SLX4IP: variants seen among roughly 807,000 people sequenced by gnomAD.
The protein encoded by SLX4IP is SLX4 interacting protein, also known as protein SLX4IP.
SLX4IP carries 34 observed loss-of-function variants against 32.9 expected under a neutral mutation model. That is an observed-to-expected ratio of 1.03 (90% CI 0.79 to 1.38). The LOEUF is 1.38. Ranked by LOEUF, SLX4IP falls within the 40% of genes most tolerant of loss-of-function variation. The pLI, the probability that SLX4IP is intolerant of heterozygous loss-of-function variation, is 0.00. For synonymous variants in SLX4IP, 172 were observed against 171.7 expected (o/e 1.00, Z -0.01); for missense variants, 444 against 479.0 (o/e 0.93, Z 0.68).
intron 4 of SLX4IP, among the ~76,000 whole-genome samples, chr20:10,564,141 C>T (rs2066363371): frequency 1.3e-5 from 2 of 152,070 alleles, no homozygotes; most frequent in African/African-American, 2.4e-5. Flanking sequence ...TGGTATACCA[C>T]CGTCTTATAT....
intron 2 of SLX4IP, among the ~76,000 whole-genome samples, chr20:10,482,030 A>G (rs573308024): frequency 6.6e-6 from 1 of 152,306 alleles, no homozygotes; most frequent in African/African-American, 2.4e-5. Flanking sequence ...GTGATATCCC[A>G]TAATCATCTC....
intron 2 of SLX4IP, among the ~76,000 whole-genome samples, chr20:10,462,823 G>A (rs4813032): frequency 0.49 from 74,918 of 152,118 alleles, 19,943 homozygotes; most frequent in Non-Finnish European, 0.6. Flanking sequence ...CCCCATCATG[G>A]AGGGTCACAG....
intron 2 of SLX4IP, among the ~76,000 whole-genome samples, chr20:10,480,131 C>T (rs992209284): frequency 8.5e-5 from 13 of 152,136 alleles, no homozygotes; most frequent in South Asian, 2.1e-4. Context: ...CGGTGGCTCA[C>T]GCCTGTAATC....
chr20:10,502,326 A>G (rs1401568264), intron 2 of SLX4IP, among the ~76,000 whole-genome samples: 1 of 152,158 alleles, frequency 6.6e-6, no homozygotes, highest in African/African-American at 2.4e-5. Flanking sequence ...TGCCCTCTAC[A>G]TAGCAGCAGA....
intron 6 of SLX4IP, among the ~76,000 whole-genome samples, chr20:10,617,652 CTT>C (rs549525000): frequency 2.7e-5 from 3 of 112,748 alleles, no homozygotes; most frequent in Admixed American, 2.1e-4. Context: ...TTCTTTCTTT[CTT>C]TTTTTTTTTT....
rs999155143 is a variant in SLX4IP, at chr20:10,623,078, G to C, written c.926G>C (p.Gly309Ala). The change falls in exon 8 of 8, where the codon GGG (glycine) becomes GCG (alanine). Residue 309 changes from glycine to alanine, a missense_variant. Transcript: ENST00000334534. ...TCTGCGGAAGACTTCGACCACCACG[G>C]GAGAGTTTCTCTTGGAAGTGATCGA... The part of the protein sequence containing the change: ...CSSAEDFDHH[G>A]RVSLGSDRLV... 6.2e-7 allele frequency: 1 copy of C among 1,614,120 alleles called. No individual in the cohort carries two copies. The highest frequency in any genetic ancestry group is 1.1e-5 in the South Asian group (1 of 91,082).
intron 2 of SLX4IP, among the ~76,000 whole-genome samples, chr20:10,475,468 A>G (rs2122371087): frequency 6.6e-6 from 1 of 152,328 alleles, no homozygotes; most frequent in Middle Eastern, 3.4e-3. Context: ...CTGTCTCAGC[A>G]TACTGGCATC....
intron 6 of SLX4IP, among the ~76,000 whole-genome samples, chr20:10,617,711 C>T (rs1022428234): frequency 9.3e-5 from 13 of 140,368 alleles, no homozygotes; most frequent in Non-Finnish European, 1.5e-4. Flanking sequence ...TGCAGTGGCA[C>T]AATCATGGCT....
chr20:10,496,882 T>C (rs1425994364), intron 2 of SLX4IP, among the ~76,000 whole-genome samples: 4 of 152,218 alleles, frequency 2.6e-5, no homozygotes, highest in Non-Finnish European at 5.9e-5. Context: ...TTTCAGCAAA[T>C]TCTAAAGTCA....
intron 6 of SLX4IP, among the ~76,000 whole-genome samples, chr20:10,617,652 C>CTTTTT (rs549525000): frequency 1.6e-3 from 178 of 112,660 alleles, no homozygotes; most frequent in Non-Finnish European, 2.1e-3. Context: ...TTCTTTCTTT[C>CTTTTT]TTTTTTTTTT....
chr20:10,618,960 G>A (rs1006042469), intron 6 of SLX4IP, among the ~76,000 whole-genome samples: 1 of 152,004 alleles, frequency 6.6e-6, no homozygotes, highest in Admixed American at 6.6e-5. Flanking sequence ...GGGGAGGGGA[G>A]CAGCACCAGA....
intron 1 of SLX4IP, among the ~76,000 whole-genome samples, chr20:10,455,527 A>T (rs1370104789): frequency 1.3e-5 from 2 of 152,134 alleles, no homozygotes; most frequent in Non-Finnish European, 2.9e-5. Flanking sequence ...TCAATTGAAC[A>T]TAAATTTAAG....
intron 1 of SLX4IP, among the ~76,000 whole-genome samples, chr20:10,453,193 A>T (rs1319521379): frequency 1.3e-5 from 2 of 152,120 alleles, no homozygotes; most frequent in Non-Finnish European, 2.9e-5. Context: ...TATTTACTGC[A>T]GTTTTTGTTT....
In SLX4IP at chr20:10,488,655, C is replaced by G. The variant is rs114953059; in HGVS notation, c.27+30424C>G. ...ATAACAGTATTGGGGTAGATGATGT[C>G]AGGACCTTCCTGCTCTGACATCTGA... is the stretch of plus-strand genomic sequence containing the variant. On this transcript the variant is annotated intron_variant, in intron 2 of 7. Coordinates refer to ENST00000334534, the MANE Select transcript of SLX4IP (RefSeq NM_001009608.3). 1.5e-3 allele frequency among the ~76,000 whole-genome samples: 225 copies of G among 152,278 alleles called. 1 individual carries two copies. The highest frequency in any genetic ancestry group is 4.7e-3 in the African/African-American group (194 of 41,550).
At chr20:10,502,142 G>GCTAGTAAAGGT (rs2065724738) in intron 2 of SLX4IP, among the ~76,000 whole-genome samples, 1 of 152,188 alleles carries the variant, frequency 6.6e-6, no homozygotes, top group Non-Finnish European at 1.5e-5. Context: ...AATCCTCAGT[G>GCTAGTAAAGGT]CTAGTAAAGG....
intron 2 of SLX4IP, among the ~76,000 whole-genome samples, chr20:10,555,470 TTATTA>T (rs1724246192): frequency 1.3e-5 from 2 of 152,228 alleles, no homozygotes; most frequent in Non-Finnish European, 2.9e-5. Context: ...AATTTAAATT[TTATTA>T]AAAATGTAGC....
rs991004387 is a variant in SLX4IP at position 10,626,016 on chromosome 20, T to C, written c.*2637T>C. The C allele has an allele frequency of 2.2e-5, 3 of 135,016 alleles. No individual in the cohort carries two copies. Among genetic ancestry groups the C allele is most frequent in the Non-Finnish European group, 4.8e-5 (3 of 62,442 alleles). 8.4% of individuals were successfully genotyped at this position (135,016 alleles called of 1,614,324 possible). A position where few individuals can be genotyped will look rare whatever the true frequency, so the allele number is the denominator to read the frequency against. ...GGTATGTGTTTTGACATTCTTTTTT[T>C]TTTTTTTTTTTTTTTTGAGACAGAG... On this transcript the variant is annotated 3_prime_UTR_variant, in exon 8 of 8. Coordinates refer to ENST00000334534, the MANE Select transcript of SLX4IP (RefSeq NM_001009608.3).
chr20:10,622,647 T>C lies in SLX4IP; in HGVS notation c.507-12T>C. The C allele has an allele frequency of 6.3e-7, 1 of 1,592,540 alleles. No individual in the cohort carries two copies. Among genetic ancestry groups the C allele is most frequent in the Non-Finnish European group, 8.5e-7 (1 of 1,170,962 alleles). On this transcript the variant is annotated splice_polypyrimidine_tract_variant and intron_variant, in intron 7 of 7. Coordinates refer to ENST00000334534, the MANE Select transcript of SLX4IP (RefSeq NM_001009608.3). The stretch of plus-strand genomic sequence containing the variant: ...GCTTTACAAACCATAAAATCATTTT[T>C]GTTTGTTTCAGTGTGAAAAGAACTG...
At chr20:10,565,834 A>G (rs549724231) in intron 4 of SLX4IP, among the ~76,000 whole-genome samples, 1 of 152,314 alleles carries the variant, frequency 6.6e-6, no homozygotes, top group African/African-American at 2.4e-5. Flanking sequence ...TTCAAAAGAG[A>G]TGACCCAGAG....
Sources: gnomAD v4.1 joint callset for allele counts (sites outside exome capture counted in the v4.1 genomes callset) on GRCh38, gnomAD v4.1.1 for gene constraint, MANE v1.5 for transcripts, NCBI Gene and HGNC (gene_info 2026-07-23, HGNC 2026-07-21) for gene names.